Variants in ZNF644 observed in about 807,000 individuals in gnomAD.
ZNF644 encodes the protein zinc finger protein 644, also known as zinc finger motif enhancer binding protein 2.
A neutral mutation model predicts 108.0 loss-of-function variants in ZNF644; 20 were observed. That is an observed-to-expected ratio of 0.19 (90% CI 0.13 to 0.27). ZNF644 has a LOEUF of 0.27. Among genes scored for constraint, ZNF644 ranks in the 10% least tolerant of loss-of-function variants. The pLI is 1.00. For missense variants in ZNF644, 1,338 were observed against 1,548.9 expected (o/e 0.86, Z 2.29); for synonymous variants, 542 against 539.1 (o/e 1.01, Z -0.08).
At chr1:90,934,292 T>C (rs575300874) in intron 4 of ZNF644, among the ~76,000 whole-genome samples, 180 of 152,174 alleles carry the variant, frequency 1.2e-3, no homozygotes, top group Non-Finnish European at 2.1e-3. Context: ...AGTATAAATA[T>C]AAGTGGTTTT....
At chr1:90,985,658 T>C (rs888049233) in intron 1 of ZNF644, among the ~76,000 whole-genome samples, 6 of 152,342 alleles carry the variant, frequency 3.9e-5, no homozygotes, top group Admixed American at 6.5e-5. Flanking sequence ...TAAGACTGAA[T>C]AGTATTCCAT....
intron 2 of ZNF644, among the ~76,000 whole-genome samples, chr1:90,963,437 A>T (rs1364037136): frequency 6.6e-6 from 1 of 152,144 alleles, no homozygotes; most frequent in Non-Finnish European, 1.5e-5. Context: ...TCTAAATTTG[A>T]ACATACATAC....
chr1:90,958,917 T>C (rs77273712), intron 2 of ZNF644, among the ~76,000 whole-genome samples: 2,177 of 150,614 alleles, frequency 0.014, 21 homozygotes, highest in Admixed American at 0.022. Context: ...AATGGATTCT[T>C]TGACATCAAA....
At position 90,939,406 on chromosome 1, in the gene ZNF644, T is replaced by C; in HGVS notation, c.1948A>G (p.Thr650Ala). ...TKTLTKQQST[T>A]FPKNSALKQD... ...TTTAAAGCAGAGTTCTTTGGAAATG[T>C]GGTTGACTGTTGTTTAGTTAATGTT... is the stretch of plus-strand genomic sequence containing the variant. The change falls in exon 3 of 6, where the codon ACA (threonine) becomes GCA (alanine). Residue 650 changes from threonine (T) to alanine (A), a missense_variant. By Grantham distance (58) the Thr-to-Ala change is moderately conservative. Coordinates refer to ENST00000337393, the MANE Select transcript of ZNF644 (RefSeq NM_201269.3). 6.2e-7 allele frequency: 1 copy of C among 1,614,020 alleles called. No homozygotes were observed. The highest frequency in any genetic ancestry group is 1.3e-5 in the African/African-American group (1 of 75,042).
chr1:90,985,898 T>C (rs567198905), intron 1 of ZNF644, among the ~76,000 whole-genome samples: 2 of 152,290 alleles, frequency 1.3e-5, no homozygotes, highest in African/African-American at 4.8e-5. Context: ...ATAATGGCTG[T>C]TTATTTTGCA....
At chr1:90,960,787 A>G (rs1344419120) in intron 2 of ZNF644, among the ~76,000 whole-genome samples, 4 of 152,250 alleles carry the variant, frequency 2.6e-5, no homozygotes, top group Middle Eastern at 3.4e-3. Flanking sequence ...GTGCTCAACT[A>G]CAGGTGTTCT....
chr1:90,950,231 C>T (rs1397709353), intron 2 of ZNF644, among the ~76,000 whole-genome samples: 2 of 124,208 alleles, frequency 1.6e-5, no homozygotes, highest in Non-Finnish European at 3.3e-5. Flanking sequence ...GAGCCGAGAT[C>T]GTGCCACTGC....
intron 1 of ZNF644, among the ~76,000 whole-genome samples, chr1:91,010,654 T>C (rs1445414937): frequency 6.6e-6 from 1 of 152,140 alleles, no homozygotes; most frequent in Non-Finnish European, 1.5e-5. Flanking sequence ...TTACAGATCA[T>C]TCATTTTATT....
At chr1:90,976,559 C>T (rs1021923226) in intron 2 of ZNF644, among the ~76,000 whole-genome samples, 10 of 152,106 alleles carry the variant, frequency 6.6e-5, no homozygotes, top group African/African-American at 1.9e-4. Flanking sequence ...TGATATTTGC[C>T]GCTTAGCCTT....
intron 1 of ZNF644, among the ~76,000 whole-genome samples, chr1:90,999,765 C>T (rs1299241120): frequency 6.6e-6 from 1 of 152,064 alleles, no homozygotes; most frequent in Non-Finnish European, 1.5e-5. Context: ...GAGTCAAGAC[C>T]CATCAGTGTG....
chr1:90,930,724 A>G (rs904041231), intron 4 of ZNF644, among the ~76,000 whole-genome samples: 1 of 152,240 alleles, frequency 6.6e-6, no homozygotes, highest in Non-Finnish European at 1.5e-5. Context: ...GTATTAATGT[A>G]AGTTTGTACA....
chr1:90,941,355 T>C, intron 2 of ZNF644, 46 bp from the exon 3 acceptor site: 1 of 1,535,116 alleles, frequency 6.5e-7, no homozygotes, highest in Non-Finnish European at 8.9e-7. Flanking sequence ...AAAGAAAAAA[T>C]ACTATTAGAA....
intron 2 of ZNF644, among the ~76,000 whole-genome samples, chr1:90,946,593 A>G (rs955159454): frequency 2.0e-5 from 3 of 152,162 alleles, no homozygotes; most frequent in Admixed American, 6.5e-5. Flanking sequence ...CAATTACCTG[A>G]AATAATCCTT....
intron 1 of ZNF644, among the ~76,000 whole-genome samples, chr1:91,011,993 C>T (rs936598869): frequency 6.6e-6 from 1 of 152,060 alleles, no homozygotes; most frequent in African/African-American, 2.4e-5. Context: ...ACTATGTTAT[C>T]GGTGGAGGCA....
chr1:90,939,682 T>G lies in ZNF644; in HGVS notation c.1672A>C (p.Thr558Pro), dbSNP rs1651751691. 1.9e-6 allele frequency: 3 copies of G among 1,613,956 alleles called. No homozygotes were observed. In the African/African-American group the frequency reaches 4.0e-5, roughly 22 times the overall value. Reference sequence around the variant, plus strand: ...GTTTTTCTCTGGGCAATATCAGAAGTGACCATAGGGCATTTTACCACTGCC... The same window carrying G: ...GTTTTTCTCTGGGCAATATCAGAAGGGACCATAGGGCATTTTACCACTGCC... ...HGAVVKCPMV[T>P]SDIAQRKTQK... Residue 558 changes from threonine to proline, a missense_variant, in exon 3 of 6, where the codon ACT becomes CCT. Coordinates refer to ENST00000337393, the MANE Select transcript of ZNF644 (RefSeq NM_201269.3).
chr1:90,928,100 C>A (rs1223460330), intron 4 of ZNF644, among the ~76,000 whole-genome samples: 1 of 152,028 alleles, frequency 6.6e-6, no homozygotes, highest in South Asian at 2.1e-4. Context: ...CCTGCCTCGG[C>A]CTCCCAAAGT....
At chr1:90,993,191 T>C (rs997316239) in intron 1 of ZNF644, among the ~76,000 whole-genome samples, 1 of 152,016 alleles carries the variant, frequency 6.6e-6, no homozygotes, top group African/African-American at 2.4e-5. Context: ...ATACTTCTGC[T>C]CTTTCCTTCA....
intron 1 of ZNF644, among the ~76,000 whole-genome samples, chr1:91,007,220 A>ATTTTTTTTTTTTTTTTTTTTT (rs1557658483): frequency 9.9e-5 from 3 of 30,276 alleles, no homozygotes; most frequent in Non-Finnish European, 1.3e-4. Flanking sequence ...ATTTTCTCCC[A>ATTTTTTTTTTTTTTTTTTTTT]TTTTGTTTTT....
At chr1:90,925,603 TAA>T (rs879266813) in intron 4 of ZNF644, among the ~76,000 whole-genome samples, 4 of 138,864 alleles carry the variant, frequency 2.9e-5, no homozygotes, top group Admixed American at 7.2e-5. Flanking sequence ...AAACATATAT[TAA>T]AAAAAAAAAA....
Sources: allele counts gnomAD v4.1 joint callset (sites outside exome capture counted in the v4.1 genomes callset), GRCh38; gene constraint gnomAD v4.1.1; transcripts MANE v1.5; gene names NCBI Gene and HGNC (gene_info 2026-07-23, HGNC 2026-07-21).